The following INPP5D variants were observed in gnomAD, a reference collection of about 807,000 sequenced individuals.
INPP5D encodes the protein phosphatidylinositol 3,4,5-trisphosphate 5-phosphatase 1.
A neutral mutation model predicts 122.9 loss-of-function variants in INPP5D; 33 were observed. That is an observed-to-expected ratio of 0.27 (90% confidence interval 0.20 to 0.36). The LOEUF is 0.36. Among genes scored for constraint, INPP5D ranks in the 10% least tolerant of loss-of-function variants. INPP5D has a pLI of 1.00. For synonymous variants in INPP5D, 584 were observed against 576.2 expected (o/e 1.01, Z -0.19); for missense variants, 1,053 against 1,412.7 (o/e 0.75, Z 4.08).
rs1349427305 is a variant in INPP5D, at chr2:233,082,615, T to C, written c.198+3217T>C. On this transcript the variant is annotated intron_variant, in intron 2 of 26. Transcript: ENST00000445964. The surrounding 1 kb of genome is among the most constrained non-coding windows in gnomAD (Gnocchi z 4.7). Reference sequence around the variant, plus strand: ...AACACCAAAGATCTCATCTTTGTTCTTTGCAGACCAACTTCATGGAGTTGG... The same window carrying C: ...AACACCAAAGATCTCATCTTTGTTCCTTGCAGACCAACTTCATGGAGTTGG... 6.6e-6 allele frequency among the ~76,000 whole-genome samples: 1 copy of C among 152,218 alleles called. No homozygotes were observed. The highest frequency in any genetic ancestry group is 1.5e-5 in the Non-Finnish European group (1 of 68,038).
Position 233,198,116 on chromosome 2 carries a change from C to T in INPP5D, c.2715C>T (p.Ser905=). The change falls in exon 25 of 27, where the codon TCC becomes TCT. Residue 905 remains serine, a synonymous_variant. Transcript: ENST00000445964. ...GCAGGGCCCCTCCGTGCAGTGGCTC[C>T]AGCATCACTGAAATCATCAACCCCA... ...VTSRAPPCSG[S]SITEIINPNY... is the part of the protein sequence containing the mutation. 6.2e-7 allele frequency: 1 copy of T among 1,609,838 alleles called. No homozygotes were observed. The highest frequency in any genetic ancestry group is 8.5e-7 in the Non-Finnish European group (1 of 1,177,686).
At chr2:233,172,798 A>G (rs140673642) in intron 17 of INPP5D, among the ~76,000 whole-genome samples, 1 of 152,222 alleles carries the variant, frequency 6.6e-6, no homozygotes. Flanking sequence ...TGGCCTATTG[A>G]TCCTAGGCTA....
intron 13 of INPP5D, among the ~76,000 whole-genome samples, chr2:233,167,195 G>A (rs140802097): frequency 7.6e-6 from 1 of 130,824 alleles, no homozygotes; most frequent in East Asian, 2.3e-4. Flanking sequence ...ACATAGGAAG[G>A]TACCATTTCT....
Position 233,089,741 on chromosome 2 carries a change from G to A in INPP5D, c.198+10343G>A, listed in dbSNP as rs140213958. Among the ~76,000 whole-genome samples the A allele has an allele frequency of 6.2e-3, 948 of 152,312 alleles. 5 individuals are homozygous for A. The highest frequency in any genetic ancestry group is 9.5e-3 in the Non-Finnish European group (647 of 68,024). On this transcript the variant is annotated intron_variant, in intron 2 of 26. Transcript: ENST00000445964. ...TCATTTATTCAGTGAATATTAATTGGGAACTGAACAACAGCCACCCTCAAA... is the reference window on the plus strand; with the variant it reads ...TCATTTATTCAGTGAATATTAATTGAGAACTGAACAACAGCCACCCTCAAA...
At chr2:233,118,534 A>G (rs952504719) in intron 2 of INPP5D, among the ~76,000 whole-genome samples, 1 of 152,254 alleles carries the variant, frequency 6.6e-6, no homozygotes, top group African/African-American at 2.4e-5. Flanking sequence ...GCTTAGGGCC[A>G]AGAGCAAAGC....
At chr2:233,097,274 C>G (rs1379545602) in intron 2 of INPP5D, among the ~76,000 whole-genome samples, 3 of 152,186 alleles carry the variant, frequency 2.0e-5, no homozygotes, top group Non-Finnish European at 2.9e-5. Context: ...ATCTGGCAGA[C>G]TAAGTTCCCA....
intron 3 of INPP5D, among the ~76,000 whole-genome samples, chr2:233,124,235 C>A (rs1693084478): frequency 6.6e-6 from 1 of 152,110 alleles, no homozygotes; most frequent in Non-Finnish European, 1.5e-5. Context: ...GTCCCCCAGG[C>A]TCTCCCCGAA....
At chr2:233,169,422 C>A in intron 14 of INPP5D, 21 bp downstream of exon 14, 9 of 1,569,900 alleles carry the variant, frequency 5.7e-6, no homozygotes, top group South Asian at 1.2e-5. Context: ...TCCTTCCCCC[C>A]AAGAGTGTGC....
intron 17 of INPP5D, among the ~76,000 whole-genome samples, chr2:233,173,496 T>C (rs141013376): frequency 0.04 from 6,150 of 152,288 alleles, 179 homozygotes; most frequent in Middle Eastern, 0.095. Flanking sequence ...TTTTGACGCT[T>C]TTGTAATAAA....
chr2:233,202,138 C>T (rs1357151428), intron 25 of INPP5D, among the ~76,000 whole-genome samples: 1 of 152,034 alleles, frequency 6.6e-6, no homozygotes, highest in Admixed American at 6.5e-5. Flanking sequence ...CTGGTCCTGC[C>T]CCCAGTTCTC....
At chr2:233,156,352 C>T (rs926030454) in intron 9 of INPP5D, among the ~76,000 whole-genome samples, 4 of 152,204 alleles carry the variant, frequency 2.6e-5, no homozygotes, top group Non-Finnish European at 5.9e-5. Flanking sequence ...TGCAGTGACA[C>T]GATCTTGGCT....
At position 233,125,826 on chromosome 2, in the gene INPP5D, C is replaced by G; in HGVS notation, c.431C>G (p.Pro144Arg). 1 of 1,613,930 alleles carries G rather than the reference C, an allele frequency of 6.2e-7. No homozygotes were observed. Among genetic ancestry groups the G allele is most frequent in the African/African-American group, 1.3e-5 (1 of 75,034 alleles). Residue 144 changes from proline to arginine, a missense_variant, in exon 4 of 27, where the codon CCT becomes CGT. By Grantham distance (103) the Pro-to-Arg change is moderately radical (BLOSUM62 -2). This residue lies in a region of INPP5D where 196 missense variants were observed against 175.6 expected (regional missense o/e 1.12). Coordinates refer to ENST00000445964, the MANE Select transcript of INPP5D (RefSeq NM_001017915.3). ...AGCTCCTGTGAGGCCAAGGAGGTTC[C>G]TTTTTCAAACGAGAATCCCCGAGCG... ...TASSCEAKEVPFSNENPRATE... is the reference protein window; with the variant it reads ...TASSCEAKEVRFSNENPRATE...
rs1425537981 is a variant in INPP5D at position 233,164,371 on chromosome 2, G to A, written c.1502G>A (p.Arg501Gln). 5.8e-6 allele frequency: 9 copies of A among 1,552,922 alleles called. No individual in the cohort carries two copies. Among genetic ancestry groups the A allele is most frequent in the Non-Finnish European group, 6.1e-6 (7 of 1,147,772 alleles). ...VVLAKPEHEN[R>Q]ISHICTDNVK... ...CTGGCCAAGCCTGAGCACGAGAACCGGATCAGCCACATCTGTACTGACAAC... is the reference window on the plus strand; with the variant it reads ...CTGGCCAAGCCTGAGCACGAGAACCAGATCAGCCACATCTGTACTGACAAC... The change falls in exon 13 of 27, where the codon CGG (arginine) becomes CAG (glutamine). Residue 501 changes from arginine to glutamine, a missense_variant. Physicochemically the swap from Arg to Gln is conservative, Grantham distance 43. Transcript: ENST00000445964. This position sits in a 1 kb window ranked among gnomAD's most constrained non-coding sequence, Gnocchi z 4.3.
intron 9 of INPP5D, among the ~76,000 whole-genome samples, chr2:233,151,962 T>C (rs569211373): frequency 3.3e-5 from 5 of 152,364 alleles, no homozygotes; most frequent in African/African-American, 9.6e-5. Flanking sequence ...GGTAAGATCA[T>C]ACAGTTCTCA....
At chr2:233,144,489 G>T (rs995767672) in intron 6 of INPP5D, among the ~76,000 whole-genome samples, 15 of 139,238 alleles carry the variant, frequency 1.1e-4, no homozygotes, top group African/African-American at 3.9e-4. Context: ...ATCATGATAG[G>T]ACTGGTAGGG....
At chr2:233,110,370 A>T (rs13016591) in intron 2 of INPP5D, among the ~76,000 whole-genome samples, 5,900 of 149,378 alleles carry the variant, frequency 0.039, 161 homozygotes, top group African/African-American at 0.07. Flanking sequence ...TTTTATTTTT[A>T]TTTTTTTTTA....
Position 233,156,455 on chromosome 2 carries a change from A to G in INPP5D, c.1031-1858A>G, listed in dbSNP as rs369386942. On this transcript the variant is annotated intron_variant, in intron 9 of 26. Transcript: ENST00000445964. ...CAGGTGCCCGCCACCACGCCTGGCT[A>G]ATTTTTTGTTTTGTATTTTAGTAGA... Among the ~76,000 whole-genome samples the G allele has an allele frequency of 4.5e-4, 68 of 152,168 alleles. 1 individual carries two copies. In the South Asian group the frequency reaches 0.014, roughly 30 times the overall value.
chr2:233,156,180 CAGG>C (rs1694048774), intron 9 of INPP5D, among the ~76,000 whole-genome samples: 1 of 152,246 alleles, frequency 6.6e-6, no homozygotes, highest in East Asian at 1.9e-4. Flanking sequence ...AGTTCCAAGA[CAGG>C]AGCCAGTGTG....
At chr2:233,191,729 G>A (rs1420439236) in intron 22 of INPP5D, among the ~76,000 whole-genome samples, 5 of 152,210 alleles carry the variant, frequency 3.3e-5, no homozygotes, top group African/African-American at 1.2e-4. Context: ...TCAGACCTCA[G>A]CACTTAGGAG....
Sources: allele counts gnomAD v4.1 joint callset (sites outside exome capture counted in the v4.1 genomes callset), GRCh38; gene constraint gnomAD v4.1.1; regional missense constraint gnomAD v4.1.1; non-coding constraint Gnocchi (gnomAD v3.1); transcripts MANE v1.5; gene names NCBI Gene and HGNC (gene_info 2026-07-23, HGNC 2026-07-21).